The following SIAH2 variants were observed in gnomAD, a reference collection of about 807,000 sequenced individuals.
SIAH2 encodes the protein E3 ubiquitin-protein ligase SIAH2.
A neutral mutation model predicts 20.4 loss-of-function variants in SIAH2; 4 were observed. The ratio of observed to expected loss-of-function variants is 0.20; its 90% CI spans 0.10 to 0.45. The LOEUF (loss-of-function observed/expected upper bound fraction) is 0.45, where lower values mean the gene tolerates loss of function less well. Ranked by LOEUF, SIAH2 falls within the 20% of genes least tolerant of loss-of-function variation. The probability of loss-of-function intolerance (pLI) is 0.99; values close to 1 mark genes in which losing one functional copy is unlikely to be tolerated. For synonymous variants in SIAH2, 171 were observed against 192.5 expected (o/e 0.89, Z 0.93); for missense variants, 259 against 440.3 (o/e 0.59, Z 3.69).
rs386398232 is a variant in SIAH2 at position 150,755,322 on chromosome 3, CTTTTTTTTTTTTT to C, written c.417+7098_417+7110del. 1.2e-3 allele frequency among the ~76,000 whole-genome samples: 98 copies of C among 80,194 alleles called. 2 individuals are homozygous for C. Among genetic ancestry groups the C allele is most frequent in the Admixed American group, 1.5e-3 (8 of 5,302 alleles). 52.6% of individuals were successfully genotyped at this position (80,194 alleles called of 152,430 possible). On this transcript the variant is annotated intron_variant, in intron 1 of 1. Transcript: ENST00000312960. ...AATATTTTTCTTTTTCTTTTCTTCC[CTTTTTTTTTTTTT>C]TTTTTTTTTTTTTGAGACAGGGTCT...
At chr3:150,750,787 T>C (rs1351282595) in intron 1 of SIAH2, among the ~76,000 whole-genome samples, 1 of 152,196 alleles carries the variant, frequency 6.6e-6, no homozygotes, top group Non-Finnish European at 1.5e-5. Context: ...GTCCTTTTGA[T>C]GGCTGTATGT....
intron 1 of SIAH2, among the ~76,000 whole-genome samples, chr3:150,751,917 T>C (rs974378323): frequency 6.6e-6 from 1 of 152,188 alleles, no homozygotes; most frequent in Admixed American, 6.5e-5. Flanking sequence ...AGGGTGTGTT[T>C]AGCCTTACAG....
Position 150,762,431 on chromosome 3 carries a change from A to C in SIAH2, c.417+2T>G. 6.2e-7 allele frequency: 1 copy of C among 1,609,272 alleles called. No homozygotes were observed. Among genetic ancestry groups the C allele is most frequent in the Non-Finnish European group, 8.5e-7 (1 of 1,178,254 alleles). On this transcript the variant is annotated splice_donor_variant, in intron 1 of 1. Coordinates refer to ENST00000312960, the MANE Select transcript of SIAH2 (RefSeq NM_005067.7). LOFTEE classifies it high-confidence loss of function. The surrounding 1 kb of genome is among the most constrained non-coding windows in gnomAD (Gnocchi z 6.6). Reference sequence around the variant, plus strand: ...AGGTACGTGGGCTGTCCCTGGGCTTACCTTACAGGGAAACAGGACTGCCGA... The same window carrying C: ...AGGTACGTGGGCTGTCCCTGGGCTTCCCTTACAGGGAAACAGGACTGCCGA...
rs934150998 is a variant in SIAH2 at position 150,742,007 on chromosome 3, A to G, written c.*134T>C. The stretch of plus-strand genomic sequence containing the variant: ...TTGTTGGGTCGAAGCCAGATGGGAC[A>G]CTGCTGTTCAAACAAAACACGGGTA... On this transcript the variant is annotated 3_prime_UTR_variant, in exon 2 of 2. Coordinates refer to ENST00000312960, the MANE Select transcript of SIAH2 (RefSeq NM_005067.7). This position sits in a 1 kb window ranked among gnomAD's most constrained non-coding sequence, Gnocchi z 4.8. The G allele has an allele frequency of 5.9e-6, 5 of 848,332 alleles. No individual in the cohort carries two copies. Among genetic ancestry groups the G allele is most frequent in the African/African-American group, 1.7e-5 (1 of 58,066 alleles). The allele number at this position is 848,332 out of a possible 1,614,324, so 52.6% of individuals were successfully genotyped here. A position where few individuals can be genotyped will look rare whatever the true frequency, so the allele number is the denominator to read the frequency against.
In SIAH2 at chr3:150,761,960, C is replaced by A. The variant is rs553914204; in HGVS notation, c.417+473G>T. On this transcript the variant is annotated intron_variant, in intron 1 of 1. Transcript: ENST00000312960. ...TTAGCTACAATCCCGAGAGCTCCCA[C>A]GTGTCAGGGGTGCGCAGACGGTAGG... 1.8e-3 allele frequency: 279 copies of A among 156,328 alleles called. 4 individuals carry two copies. The highest frequency in any genetic ancestry group is 0.011 in the South Asian group (61 of 5,782). The allele number at this position is 156,328 out of a possible 1,614,324, so 9.7% of individuals were successfully genotyped here.
Position 150,741,462 on chromosome 3 carries a change from T to C in SIAH2, c.*679A>G, listed in dbSNP as rs553050193. ...TATAGTTCTAGTTTTAATTTGAGGG[T>C]TGGGGGAAGTTAGGGGATGAAACAG... On this transcript the variant is annotated 3_prime_UTR_variant, in exon 2 of 2. Coordinates refer to ENST00000312960, the MANE Select transcript of SIAH2 (RefSeq NM_005067.7). 2.0e-5 allele frequency: 3 copies of C among 152,460 alleles called. No individual in the cohort carries two copies. The highest frequency in any genetic ancestry group is 4.4e-5 in the Non-Finnish European group (3 of 68,032). 9.4% of individuals were successfully genotyped at this position (152,460 alleles called of 1,614,324 possible).
intron 1 of SIAH2, among the ~76,000 whole-genome samples, chr3:150,744,631 C>T (rs1416185095): frequency 2.0e-5 from 3 of 152,150 alleles, no homozygotes; most frequent in Non-Finnish European, 4.4e-5. Flanking sequence ...AAAAAACACA[C>T]ACACACAATA....
chr3:150,748,454 C>A (rs1335178666), intron 1 of SIAH2, among the ~76,000 whole-genome samples: 1 of 152,172 alleles, frequency 6.6e-6, no homozygotes, highest in East Asian at 1.9e-4. Context: ...GTCACTTAAC[C>A]TATTTAATTA....
chr3:150,745,948 GT>G (rs1218153468), intron 1 of SIAH2, among the ~76,000 whole-genome samples: 7 of 152,232 alleles, frequency 4.6e-5, no homozygotes, highest in Non-Finnish European at 1.0e-4. Flanking sequence ...TAACAACTAT[GT>G]AAAGGAAGAC....
chr3:150,762,918 C>T lies in SIAH2; in HGVS notation c.-69G>A, dbSNP rs1714659780. 6 of 1,121,626 alleles carry T rather than the reference C, an allele frequency of 5.3e-6. No individual in the cohort carries two copies. In the South Asian group the frequency reaches 1.3e-4, roughly 24 times the overall value. The allele number at this position is 1,121,626 out of a possible 1,614,324, so 69.5% of individuals were successfully genotyped here. On this transcript the variant is annotated 5_prime_UTR_variant, in exon 1 of 2. Transcript: ENST00000312960. This position sits in a 1 kb window ranked among gnomAD's most constrained non-coding sequence, Gnocchi z 6.6. Reference sequence around the variant, plus strand: ...CGGGGCCGCCCGGGTCAAGGCGGTGCGCGCCCCGCGGGCAGCGAGCTCCGA... The same window carrying T: ...CGGGGCCGCCCGGGTCAAGGCGGTGTGCGCCCCGCGGGCAGCGAGCTCCGA...
chr3:150,742,084 C>T lies in SIAH2; in HGVS notation c.*57G>A. On this transcript the variant is annotated 3_prime_UTR_variant, in exon 2 of 2. Coordinates refer to ENST00000312960, the MANE Select transcript of SIAH2 (RefSeq NM_005067.7). The surrounding 1 kb of genome is among the most constrained non-coding windows in gnomAD (Gnocchi z 4.8). ...TATGGAATAAAACATCTATAAAAACCTTTATTAAACATAGAGCACTATGCC... is the reference window on the plus strand; with the variant it reads ...TATGGAATAAAACATCTATAAAAACTTTTATTAAACATAGAGCACTATGCC... 6.8e-7 allele frequency: 1 copy of T among 1,468,436 alleles called. No individual in the cohort carries two copies. The highest frequency in any genetic ancestry group is 9.2e-7 in the Non-Finnish European group (1 of 1,081,606). 91.0% of individuals were successfully genotyped at this position (1,468,436 alleles called of 1,614,324 possible).
intron 1 of SIAH2, among the ~76,000 whole-genome samples, chr3:150,759,676 C>T (rs1403983567): frequency 2.0e-5 from 3 of 151,350 alleles, no homozygotes; most frequent in African/African-American, 7.3e-5. Flanking sequence ...ACTCTGTAGG[C>T]ATGAGTTTCC....
chr3:150,743,146 A>G lies in SIAH2; in HGVS notation c.418-448T>C, dbSNP rs150753025. On this transcript the variant is annotated intron_variant, in intron 1 of 1. Coordinates refer to ENST00000312960, the MANE Select transcript of SIAH2 (RefSeq NM_005067.7). ...TTTTCACATATAGACAATATTAACA[A>G]CAGTATAATTCTGTCGTCCCCCTCC... 2.9e-3 allele frequency among the ~76,000 whole-genome samples: 440 copies of G among 152,360 alleles called. 2 individuals carry two copies. Among genetic ancestry groups the G allele is most frequent in the African/African-American group, 0.01 (424 of 41,586 alleles).
chr3:150,741,987 G>C lies in SIAH2; in HGVS notation c.*154C>G. ...TCATCCCAGGTTAATGAACTTTGTT[G>C]GGTCGAAGCCAGATGGGACACTGCT... On this transcript the variant is annotated 3_prime_UTR_variant, in exon 2 of 2. Coordinates refer to ENST00000312960, the MANE Select transcript of SIAH2 (RefSeq NM_005067.7). 1 of 709,000 alleles carries C rather than the reference G, an allele frequency of 1.4e-6. No individual in the cohort carries two copies. The highest frequency in any genetic ancestry group is 2.8e-5 in the East Asian group (1 of 36,252). 43.9% of individuals were successfully genotyped at this position (709,000 alleles called of 1,614,324 possible).
intron 1 of SIAH2, among the ~76,000 whole-genome samples, chr3:150,747,573 C>T (rs1231264731): frequency 6.6e-6 from 1 of 152,066 alleles, no homozygotes; most frequent in African/African-American, 2.4e-5. Flanking sequence ...CTCATTTCCC[C>T]AGGGGGAATT....
At chr3:150,754,932 GA>G (rs1377241910) in intron 1 of SIAH2, among the ~76,000 whole-genome samples, 1 of 152,088 alleles carries the variant, frequency 6.6e-6, no homozygotes, top group Non-Finnish European at 1.5e-5. Context: ...AGCTCATTGG[GA>G]AAATCTATGG....
rs1427474720 is a variant in SIAH2, at chr3:150,762,516, G to A, written c.334C>T (p.Pro112Ser). The A allele has an allele frequency of 6.2e-7, 1 of 1,613,606 alleles. No homozygotes were observed. ...NQCRQKLSCCPTCRGALTPSI... is the reference protein window; with the variant it reads ...NQCRQKLSCCSTCRGALTPSI... ...GGCGTCAGGGCGCCCCTGCACGTCG[G>A]GCAGCAGCTCAACTTCTGGCGGCAT... The change falls in exon 1 of 2, where the codon CCG (proline) becomes TCG (serine). Residue 112 changes from proline (P) to serine (S), a missense_variant. This residue lies in a region of SIAH2 where 160 missense variants were observed against 327.6 expected (regional missense o/e 0.49). Coordinates refer to ENST00000312960, the MANE Select transcript of SIAH2 (RefSeq NM_005067.7). The surrounding 1 kb of genome is among the most constrained non-coding windows in gnomAD (Gnocchi z 6.6).
chr3:150,751,386 T>C (rs1714359307), intron 1 of SIAH2, among the ~76,000 whole-genome samples: 1 of 151,484 alleles, frequency 6.6e-6, no homozygotes, highest in Non-Finnish European at 1.5e-5. Flanking sequence ...ATTACGCCAC[T>C]GAACTCCAGC....
chr3:150,755,003 G>A (rs993822298), intron 1 of SIAH2, among the ~76,000 whole-genome samples: 4 of 151,988 alleles, frequency 2.6e-5, no homozygotes, highest in Non-Finnish European at 5.9e-5. Context: ...CTCAGACATC[G>A]GCCATTTAGT....
Sources: gnomAD v4.1 joint callset for allele counts (sites outside exome capture counted in the v4.1 genomes callset) on GRCh38, gnomAD v4.1.1 for gene constraint, gnomAD v4.1.1 regional missense constraint, Gnocchi (gnomAD v3.1) non-coding constraint, MANE v1.5 for transcripts, NCBI Gene and HGNC (gene_info 2026-07-23, HGNC 2026-07-21) for gene names.